PDLIM5: variants seen among roughly 807,000 people sequenced by gnomAD.
The protein encoded by PDLIM5 is PDZ and LIM domain protein 5.
PDLIM5 carries 34 observed loss-of-function variants against 64.2 expected under a neutral mutation model. The observed-to-expected ratio is 0.53, with a 90% CI of 0.40 to 0.71. The LOEUF is 0.71. PDLIM5 is among the 30% of genes least tolerant of loss of function. The pLI, the probability that PDLIM5 is intolerant of heterozygous loss-of-function variation, is 0.00. For synonymous variants in PDLIM5, 253 were observed against 269.1 expected (o/e 0.94, Z 0.59); for missense variants, 683 against 733.6 (o/e 0.93, Z 0.80).
chr4:94,582,682 C>A, intron 5 of PDLIM5: 1 of 1,501,576 alleles, frequency 6.7e-7, no homozygotes, highest in Non-Finnish European at 9.2e-7. Flanking sequence ...TCTACTCTAT[C>A]GCATCTTTTT....
intron 2 of PDLIM5, among the ~76,000 whole-genome samples, chr4:94,499,277 G>GA (rs1560657836): frequency 6.6e-6 from 1 of 151,850 alleles, no homozygotes; most frequent in Non-Finnish European, 1.5e-5. Context: ...TAAAATGGAG[G>GA]AAAAAAGTAA....
At position 94,548,984 on chromosome 4, in the gene PDLIM5, G is replaced by GA. The variant is rs369324939; in HGVS notation, c.249-24357dup. Among the ~76,000 whole-genome samples the GA allele has an allele frequency of 2.5e-4, 36 of 145,264 alleles. 1 individual carries two copies. Among genetic ancestry groups the GA allele is most frequent in the Middle Eastern group, 3.5e-3 (1 of 284 alleles). The stretch of plus-strand genomic sequence containing the variant: ...AGCCATCTAAGGTGCTAAGTTAAAA[G>GA]AAAAAAAAAAGGCCTTATAAGGTAC... On this transcript the variant is annotated intron_variant, in intron 3 of 12. Coordinates refer to ENST00000317968, the MANE Select transcript of PDLIM5 (RefSeq NM_006457.5).
At chr4:94,572,729 GGGGCAT>G (rs1470320184) in intron 3 of PDLIM5, among the ~76,000 whole-genome samples, 3 of 152,124 alleles carry the variant, frequency 2.0e-5, no homozygotes, top group Admixed American at 2.0e-4. Context: ...AGACACAGAT[GGGGCAT>G]GGTCATTGCC....
intron 2 of PDLIM5, among the ~76,000 whole-genome samples, chr4:94,481,391 G>A (rs1267996289): frequency 1.3e-5 from 2 of 150,916 alleles, no homozygotes; most frequent in Non-Finnish European, 2.9e-5. Context: ...CCTGGTTCAA[G>A]CGATGCCTCA....
chr4:94,625,513 C>T (rs972204110), intron 8 of PDLIM5, among the ~76,000 whole-genome samples: 5 of 149,274 alleles, frequency 3.3e-5, no homozygotes, highest in South Asian at 2.1e-4. Flanking sequence ...AGTGCAGTGG[C>T]GCTATTTAGG....
intron 3 of PDLIM5, among the ~76,000 whole-genome samples, chr4:94,547,208 A>AC (rs1259084522): frequency 1.3e-5 from 2 of 151,676 alleles, no homozygotes; most frequent in African/African-American, 4.8e-5. Context: ...TGCACCCCCA[A>AC]CCCCCCAAAT....
chr4:94,547,674 T>C (rs902893830), intron 3 of PDLIM5, among the ~76,000 whole-genome samples: 1 of 152,162 alleles, frequency 6.6e-6, no homozygotes, highest in Admixed American at 6.5e-5. Context: ...TCTGAAAGGG[T>C]AAATTATGTA....
intron 3 of PDLIM5, among the ~76,000 whole-genome samples, chr4:94,563,958 C>CTTTTTTTTTTT (rs796820308): frequency 5.4e-4 from 65 of 119,334 alleles, no homozygotes; most frequent in African/African-American, 8.9e-4. Context: ...TTCTTTCTTT[C>CTTTTTTTTTTT]TTTTTTTTTT....
chr4:94,612,914 T>C (rs1022881842), intron 7 of PDLIM5, among the ~76,000 whole-genome samples: 1 of 150,932 alleles, frequency 6.6e-6, no homozygotes, highest in Non-Finnish European at 1.5e-5. Context: ...TCCATTAAAA[T>C]ATATTTTTCC....
At chr4:94,625,409 A>G (rs1739586070) in intron 8 of PDLIM5, among the ~76,000 whole-genome samples, 1 of 151,940 alleles carries the variant, frequency 6.6e-6, no homozygotes. Flanking sequence ...ATATGATATT[A>G]TGGCGATATA....
At chr4:94,574,561 A>G (rs1277313114) in intron 4 of PDLIM5, among the ~76,000 whole-genome samples, 1 of 151,958 alleles carries the variant, frequency 6.6e-6, no homozygotes, top group Non-Finnish European at 1.5e-5. Context: ...AAACAGTAGA[A>G]CCACCATTGT....
chr4:94,463,136 G>A (rs1020845895), intron 2 of PDLIM5, among the ~76,000 whole-genome samples: 1 of 152,006 alleles, frequency 6.6e-6, no homozygotes, highest in Admixed American at 6.6e-5. Flanking sequence ...TGTGTTTTTG[G>A]CATAGTGCCC....
rs148293003 is a variant in PDLIM5, at chr4:94,646,931, T to G, written c.1283+6481T>G. Among the ~76,000 whole-genome samples the G allele has an allele frequency of 4.9e-3, 752 of 152,276 alleles. 3 individuals are homozygous for G. The highest frequency in any genetic ancestry group is 0.017 in the African/African-American group (702 of 41,552). ...TCCCTGGGTATATTCTTAATAGTAA[T>G]GAAAGACTGCTGTTTCTCTAATATG... On this transcript the variant is annotated intron_variant, in intron 9 of 12. Transcript: ENST00000317968.
Position 94,640,318 on chromosome 4 carries a change from G to C in PDLIM5, c.1151G>C (p.Gly384Ala). ...ATCTCAAACAGCGCTACTTACTCAG[G>C]ATCAGTGGCACCAGCCAACTCAGCT... Reference protein sequence around the residue: ...GRISNSATYSGSVAPANSALG... With the variant: ...GRISNSATYSASVAPANSALG... The change falls in exon 9 of 13, where the codon GGA becomes GCA. Residue 384 changes from glycine to alanine, a missense_variant. Gly to Ala is a moderately conservative substitution (Grantham distance 60). Transcript: ENST00000317968. 6.2e-7 allele frequency: 1 copy of C among 1,611,508 alleles called. No homozygotes were observed. Among genetic ancestry groups the C allele is most frequent in the Non-Finnish European group, 8.5e-7 (1 of 1,177,884 alleles).
At chr4:94,510,252 TG>T (rs5860363) in intron 2 of PDLIM5, among the ~76,000 whole-genome samples, 2,786 of 152,328 alleles carry the variant, frequency 0.018, 46 homozygotes, top group Non-Finnish European at 0.028. Flanking sequence ...CTCCAGTTTT[TG>T]GGTTTCTATT....
chr4:94,508,369 A>G (rs1486916161), intron 2 of PDLIM5, among the ~76,000 whole-genome samples: 1 of 151,700 alleles, frequency 6.6e-6, no homozygotes, highest in Non-Finnish European at 1.5e-5. Flanking sequence ...GAAACTTATT[A>G]AGTGGTATTG....
At chr4:94,493,849 C>T (rs1023542893) in intron 2 of PDLIM5, among the ~76,000 whole-genome samples, 1 of 152,174 alleles carries the variant, frequency 6.6e-6, no homozygotes, top group Non-Finnish European at 1.5e-5. Flanking sequence ...TCTGCCTTCT[C>T]ACTGTATACA....
chr4:94,480,668 C>G (rs962292935), intron 2 of PDLIM5, among the ~76,000 whole-genome samples: 1 of 152,110 alleles, frequency 6.6e-6, no homozygotes, highest in Non-Finnish European at 1.5e-5. Flanking sequence ...CCAAGGCTTT[C>G]CCCCTCCTTC....
chr4:94,595,237 G>A (rs944317108), intron 7 of PDLIM5, among the ~76,000 whole-genome samples: 8 of 152,288 alleles, frequency 5.3e-5, no homozygotes, highest in South Asian at 4.1e-4. Context: ...TTTGGGTGGG[G>A]ACACAGAGCC....
Sources: gnomAD v4.1 joint callset for allele counts (sites outside exome capture counted in the v4.1 genomes callset) on GRCh38, gnomAD v4.1.1 for gene constraint, MANE v1.5 for transcripts, NCBI Gene and HGNC (gene_info 2026-07-23, HGNC 2026-07-21) for gene names.